POC1B: variants seen among roughly 807,000 people sequenced by gnomAD.
POC1B encodes POC1 centriolar protein homolog B.
Under a neutral mutation model 60.6 loss-of-function variants are expected in POC1B, and 44 were observed. The observed-to-expected ratio is 0.73, with a 90% CI of 0.57 to 0.93. The LOEUF is 0.93. Ranked by LOEUF, POC1B falls within the 40% of genes least tolerant of loss-of-function variation. The pLI, the probability that POC1B is intolerant of heterozygous loss-of-function variation, is 0.00. For synonymous variants in POC1B, 180 were observed against 198.9 expected (o/e 0.90, Z 0.80); for missense variants, 555 against 572.3 (o/e 0.97, Z 0.31).
At position 89,468,815 on chromosome 12, in the gene POC1B, T is replaced by A. The variant is rs561909129; in HGVS notation, c.811-1130A>T. 2.6e-5 allele frequency among the ~76,000 whole-genome samples: 4 copies of A among 152,272 alleles called. No homozygotes were observed. In the South Asian group the frequency reaches 8.3e-4, roughly 32 times the overall value. On this transcript the variant is annotated intron_variant, in intron 7 of 11. Transcript: ENST00000313546. Reference sequence around the variant, plus strand: ...GGCAGAACCTGTGAAAAAGAAACTCTTCTCTTCTAGACCACAAGGCTCATT... The same window carrying A: ...GGCAGAACCTGTGAAAAAGAAACTCATCTCTTCTAGACCACAAGGCTCATT...
chr12:89,523,802 C>T, intron 2 of POC1B: 1 of 1,534,958 alleles, frequency 6.5e-7, no homozygotes, highest in South Asian at 1.3e-5. Context: ...CACACAACTG[C>T]TGTTTCATCT....
intron 4 of POC1B, among the ~76,000 whole-genome samples, chr12:89,476,174 T>C (rs978380743): frequency 2.6e-5 from 4 of 152,208 alleles, no homozygotes; most frequent in Admixed American, 6.5e-5. Flanking sequence ...CCCAAAGTGC[T>C]AGAATTACAG....
At chr12:89,499,137 G>A (rs964981754) in intron 2 of POC1B, among the ~76,000 whole-genome samples, 1 of 152,174 alleles carries the variant, frequency 6.6e-6, no homozygotes, top group Non-Finnish European at 1.5e-5. Flanking sequence ...AGAAGAGACC[G>A]GTGGGAGGGA....
intron 10 of POC1B, among the ~76,000 whole-genome samples, chr12:89,440,855 C>T (rs939217846): frequency 1.3e-5 from 2 of 152,242 alleles, no homozygotes; most frequent in Non-Finnish European, 2.9e-5. Flanking sequence ...CAGGGAATTC[C>T]CTTTCCTAGC....
chr12:89,424,961 G>T (rs1206297847), intron 11 of POC1B, among the ~76,000 whole-genome samples, 200 bp downstream of exon 11: 3 of 152,172 alleles, frequency 2.0e-5, no homozygotes, highest in Non-Finnish European at 4.4e-5. Flanking sequence ...GAGTGTGTGT[G>T]TGTGTGCACG....
At chr12:89,470,051 T>C (rs1293348670) in intron 7 of POC1B, among the ~76,000 whole-genome samples, 2 of 152,040 alleles carry the variant, frequency 1.3e-5, no homozygotes, top group African/African-American at 4.8e-5. Flanking sequence ...TTTTGTATTT[T>C]AGTAGAAATG....
chr12:89,525,588 G>A, intron 1 of POC1B: 1 of 1,277,966 alleles, frequency 7.8e-7, no homozygotes, highest in South Asian at 2.9e-5. Flanking sequence ...TGATTCTGAC[G>A]CAGGCGCTCC....
chr12:89,423,122 G>A (rs956210846), intron 11 of POC1B, among the ~76,000 whole-genome samples: 5 of 151,812 alleles, frequency 3.3e-5, no homozygotes, highest in African/African-American at 9.7e-5. Flanking sequence ...TTCCCACCTC[G>A]GTCTCCTGGG....
chr12:89,500,948 T>C (rs898122865), intron 2 of POC1B: 18 of 910,570 alleles, frequency 2.0e-5, no homozygotes, highest in African/African-American at 4.9e-5. Flanking sequence ...TTGTTAGGCA[T>C]GGAGGAATTG....
intron 10 of POC1B, among the ~76,000 whole-genome samples, chr12:89,431,272 T>C (rs1565894043): frequency 1.3e-5 from 2 of 152,220 alleles, no homozygotes; most frequent in Non-Finnish European, 2.9e-5. Flanking sequence ...GCAGAAAATA[T>C]CTAAGCCAAA....
At chr12:89,421,393 C>A (rs1435236965) in intron 11 of POC1B, 136 bp from the exon 12 acceptor site, 2 of 638,580 alleles carry the variant, frequency 3.1e-6, no homozygotes, top group Non-Finnish European at 5.2e-6. Context: ...AAAAATGAGC[C>A]CCAGAACTTG....
chr12:89,454,577 T>C (rs368516418), intron 10 of POC1B, among the ~76,000 whole-genome samples: 2 of 152,272 alleles, frequency 1.3e-5, no homozygotes, highest in East Asian at 3.9e-4. Flanking sequence ...CCCACTCTCC[T>C]GGAGAGCCCT....
At chr12:89,481,987 A>C (rs1404928067) in intron 4 of POC1B, among the ~76,000 whole-genome samples, 2 of 152,196 alleles carry the variant, frequency 1.3e-5, no homozygotes, top group Non-Finnish European at 2.9e-5. Context: ...ACAAAACTTA[A>C]CACTCTTTAG....
At chr12:89,411,675 CCCGCCTCAATGTTGCATCTTTAATCTCT>C in the POC1B span, among the ~76,000 whole-genome samples, 1 of 152,186 alleles carries the variant, frequency 6.6e-6, no homozygotes, top group Non-Finnish European at 1.5e-5. Context: ...TTCTTTTCCT[CCCGCCTCAATGTTGCATCTTTAATCTCT>C]CCTTTTCAGA....
chr12:89,405,769 G>A, the POC1B span, among the ~76,000 whole-genome samples: 6,741 of 151,808 alleles, frequency 0.044, 421 homozygotes, highest in East Asian at 0.12. Flanking sequence ...AGCATGGGCA[G>A]CATGGTGAGA....
chr12:89,415,651 A>T (rs1880351043), downstream of POC1B, among the ~76,000 whole-genome samples: 1 of 152,104 alleles, frequency 6.6e-6, no homozygotes, highest in South Asian at 2.1e-4. Context: ...TCAAAAAAAA[A>T]AAAAATAATA....
At chr12:89,437,290 C>T (rs1592584918) in intron 10 of POC1B, among the ~76,000 whole-genome samples, 1 of 152,094 alleles carries the variant, frequency 6.6e-6, no homozygotes, top group Admixed American at 6.5e-5. Flanking sequence ...CTTCACTGGT[C>T]CCCCCAATTC....
At chr12:89,510,204 T>G (rs1423888522) in intron 2 of POC1B, among the ~76,000 whole-genome samples, 1 of 152,202 alleles carries the variant, frequency 6.6e-6, no homozygotes, top group East Asian at 1.9e-4. Flanking sequence ...CTTTTTGTTC[T>G]TGTACACTTC....
chr12:89,472,398 A>AT, intron 4 of POC1B, 123 bp from the exon 5 acceptor site: 1 of 644,724 alleles, frequency 1.6e-6, no homozygotes, highest in Non-Finnish European at 2.6e-6. Flanking sequence ...TTACCATCCC[A>AT]TGCAGTAAAG....
Sources: allele counts gnomAD v4.1 joint callset (sites outside exome capture counted in the v4.1 genomes callset), GRCh38; gene constraint gnomAD v4.1.1; transcripts MANE v1.5; gene names NCBI Gene and HGNC (gene_info 2026-07-23, HGNC 2026-07-21).